The following SGSH variants were observed in gnomAD, a reference collection of about 807,000 sequenced individuals.
The protein encoded by SGSH is heparan sulfate sulfatase.
Under a neutral mutation model 51.0 loss-of-function variants are expected in SGSH, and 48 were observed. The observed-to-expected ratio is 0.94, with a 90% confidence interval of 0.75 to 1.20. The LOEUF is 1.20. Ranked by LOEUF, SGSH falls within the 50% of genes most tolerant of loss-of-function variation. The pLI, the probability that SGSH is intolerant of heterozygous loss-of-function variation, is 0.00. For synonymous variants in SGSH, 321 were observed against 313.4 expected (o/e 1.02, Z -0.26); for missense variants, 662 against 717.8 (o/e 0.92, Z 0.89).
At chr17:80,205,311 C>A, downstream of SGSH, 1 of 1,195,850 alleles carries the variant, frequency 8.4e-7, no homozygotes, top group Non-Finnish European at 1.2e-6. Context: ...CCCTCCCCCA[C>A]CACGCACATT....
Position 80,220,328 on chromosome 17 carries a change from G to GGACTCGGGATCGGGATCCGGCTCC in SGSH, c.-16_-15insGGAGCCGGATCCCGATCCCGAGTC. ...GGGCAGCTCATGGCGGCGGCGGCTC[G>GGACTCGGGATCGGGATCCGGCTCC]GACTCGGGATCGGGATCCGGCTCCG... On this transcript the variant is annotated 5_prime_UTR_variant, in exon 1 of 8. Coordinates refer to ENST00000326317, the MANE Select transcript of SGSH (RefSeq NM_000199.5). 3 of 1,483,216 alleles carry GGACTCGGGATCGGGATCCGGCTCC rather than the reference G, an allele frequency of 2.0e-6. No homozygotes were observed. The highest frequency in any genetic ancestry group is 1.8e-6 in the Non-Finnish European group (2 of 1,122,488). 91.9% of individuals were successfully genotyped at this position (1,483,216 alleles called of 1,614,324 possible). A position where few individuals can be genotyped will look rare whatever the true frequency, so the allele number is the denominator to read the frequency against.
chr17:80,213,266 C>T lies in SGSH; in HGVS notation c.745+538G>A, dbSNP rs530538251. On this transcript the variant is annotated intron_variant, in intron 6 of 7. Coordinates refer to ENST00000326317, the MANE Select transcript of SGSH (RefSeq NM_000199.5). This position sits in a 1 kb window ranked among gnomAD's most constrained non-coding sequence, Gnocchi z 4.6. Reference sequence around the variant, plus strand: ...AAAAAAGGCCATGTGAAGGCTTCAGCGGGGATGGGGGCGATTCTGCCGCCA... The same window carrying T: ...AAAAAAGGCCATGTGAAGGCTTCAGTGGGGATGGGGGCGATTCTGCCGCCA... 16 of 153,970 alleles carry T rather than the reference C, an allele frequency of 1.0e-4. No homozygotes were observed. In the South Asian group the frequency reaches 1.8e-3, roughly 18 times the overall value. The allele number at this position is 153,970 out of a possible 1,614,324, so 9.5% of individuals were successfully genotyped here.
In SGSH at chr17:80,210,830, G is replaced by A. The variant is rs779260016; in HGVS notation, c.1131C>T (p.Arg377=). 2 of 1,614,040 alleles carry A rather than the reference G, an allele frequency of 1.2e-6. No individual in the cohort carries two copies. The highest frequency in any genetic ancestry group is 3.3e-5 in the Admixed American group (2 of 60,034). The change falls in exon 8 of 8, where the codon CGC becomes CGT. Residue 377 remains arginine, a synonymous_variant. Transcript: ENST00000326317. ...HHEVTMSYPM[R]SVQHRHFRLV... is the part of the protein sequence containing the mutation. ...GGCGGAAGTGCCGGTGCTGCACGGA[G>A]CGCATGGGGTAGGACATGGTGACCT...
Position 80,209,859 on chromosome 17 carries a change from T to C in SGSH, c.*593A>G. The C allele has an allele frequency of 1.0e-6, 1 of 989,466 alleles. No individual in the cohort carries two copies. Among genetic ancestry groups the C allele is most frequent in the Non-Finnish European group, 1.2e-6 (1 of 832,340 alleles). 61.3% of individuals were successfully genotyped at this position (989,466 alleles called of 1,614,324 possible). A position where few individuals can be genotyped will look rare whatever the true frequency, so the allele number is the denominator to read the frequency against. ...TGAAACCTGCCTGGGGAACAGGGAC[T>C]TGACCATGGGGCAAAACAGAAGAAG... On this transcript the variant is annotated 3_prime_UTR_variant, in exon 8 of 8. Transcript: ENST00000326317.
At chr17:80,205,378 G>A (rs895821216), downstream of SGSH, 83 of 1,182,666 alleles carry the variant, frequency 7.0e-5, no homozygotes, top group South Asian at 1.2e-4. Context: ...GGCACAGAGC[G>A]GGGTGTGCAG....
chr17:80,210,819 T>C lies in SGSH; in HGVS notation c.1142A>G (p.His381Arg), dbSNP rs968103068. 1 of 1,613,826 alleles carries C rather than the reference T, an allele frequency of 6.2e-7. No homozygotes were observed. Among genetic ancestry groups the C allele is most frequent in the African/African-American group, 1.3e-5 (1 of 74,912 alleles). Residue 381 changes from histidine to arginine, a missense_variant, in exon 8 of 8, where the codon CAC becomes CGC. Transcript: ENST00000326317. ...TMSYPMRSVQ[H>R]RHFRLVHNLN... ...GTTGTGCACGAGGCGGAAGTGCCGGTGCTGCACGGAGCGCATGGGGTAGGA... is the reference window on the plus strand; with the variant it reads ...GTTGTGCACGAGGCGGAAGTGCCGGCGCTGCACGGAGCGCATGGGGTAGGA...
chr17:80,208,588 G>T (rs1321688691), downstream of SGSH: 1 of 448,906 alleles, frequency 2.2e-6, no homozygotes, highest in Non-Finnish European at 3.9e-6. Flanking sequence ...GGCATGGTCT[G>T]AACTGGAAAC....
chr17:80,207,090 G>A, downstream of SGSH: 1 of 1,606,558 alleles, frequency 6.2e-7, no homozygotes, highest in Non-Finnish European at 8.5e-7. Context: ...GCTCAAGTAG[G>A]TGCACGCTGG....
chr17:80,216,890 C>A, intron 2 of SGSH, 142 bp downstream of exon 2: 1 of 800,086 alleles, frequency 1.2e-6, no homozygotes, highest in South Asian at 1.7e-5. Context: ...CAGCCATAGG[C>A]TGTGCCTCCT....
downstream of SGSH, chr17:80,201,736 G>A (rs544120287): frequency 1.1e-4 from 185 of 1,613,934 alleles, 2 homozygotes; most frequent in South Asian, 1.9e-3. This position sits in a 1 kb window ranked among gnomAD's most constrained non-coding sequence, Gnocchi z 5.0. Context: ...TTCTCGACTT[G>A]CCCTCAGGTT....
chr17:80,211,340 C>T (rs2041657853), intron 7 of SGSH: 3 of 451,142 alleles, frequency 6.6e-6, no homozygotes, highest in Non-Finnish European at 1.2e-5. Flanking sequence ...TCATTTGGGG[C>T]CAGAGAGAGA....
In SGSH at chr17:80,217,188, A is replaced by G. The variant is rs982161788; in HGVS notation, c.93T>C (p.Asp31=). Residue 31 remains aspartate, a synonymous_variant, in exon 2 of 8, where the codon GAT becomes GAC. Transcript: ENST00000326317. The part of the protein sequence containing the change: ...RPRNALLLLA[D]DGGFESGAYN... The stretch of plus-strand genomic sequence containing the variant: ...ACGCGCCACTCTCAAAGCCTCCGTC[A>G]TCCGCTGCGTGAGGTGGGAGACAGA... 110 of 1,598,970 alleles carry G rather than the reference A, an allele frequency of 6.9e-5. No individual in the cohort carries two copies. The highest frequency in any genetic ancestry group is 9.3e-5 in the Non-Finnish European group (109 of 1,176,942).
chr17:80,210,434 A>G lies in SGSH; in HGVS notation c.*18T>C. 1.3e-6 allele frequency: 2 copies of G among 1,580,808 alleles called. No homozygotes were observed. The highest frequency in any genetic ancestry group is 1.7e-6 in the Non-Finnish European group (2 of 1,169,016). ...TCTGGGACATGCCTGGGATGTGTGC[A>G]CAGGCCTCCTGGGATGGTCACAGCT... On this transcript the variant is annotated 3_prime_UTR_variant, in exon 8 of 8. Coordinates refer to ENST00000326317, the MANE Select transcript of SGSH (RefSeq NM_000199.5).
chr17:80,211,159 C>T (rs1444789186), intron 7 of SGSH, 148 bp from the exon 8 acceptor site: 18 of 1,517,222 alleles, frequency 1.2e-5, no homozygotes, highest in African/African-American at 6.9e-5. Context: ...CACCTCTCAC[C>T]GCCACGTCAT....
At position 80,212,628 on chromosome 17, in the gene SGSH, G is replaced by T; in HGVS notation, c.746-354C>A. ...AATAGGGCAGGGGCCAGAGGACGAGGCTTCCTCTATACTCGCTCCTTCCCA... is the reference window on the plus strand; with the variant it reads ...AATAGGGCAGGGGCCAGAGGACGAGTCTTCCTCTATACTCGCTCCTTCCCA... On this transcript the variant is annotated intron_variant, in intron 6 of 7. Coordinates refer to ENST00000326317, the MANE Select transcript of SGSH (RefSeq NM_000199.5). The surrounding 1 kb of genome is among the most constrained non-coding windows in gnomAD (Gnocchi z 5.9). The T allele has an allele frequency of 2.6e-6, 1 of 388,678 alleles. No homozygotes were observed. Among genetic ancestry groups the T allele is most frequent in the Non-Finnish European group, 4.9e-6 (1 of 202,724 alleles). 24.1% of individuals were successfully genotyped at this position (388,678 alleles called of 1,614,324 possible). A position where few individuals can be genotyped will look rare whatever the true frequency, so the allele number is the denominator to read the frequency against.
In SGSH at chr17:80,209,386, G is replaced by A. The variant is rs1278329712; in HGVS notation, c.*1066C>T. 1.0e-6 allele frequency: 1 copy of A among 985,340 alleles called. No individual in the cohort carries two copies. The highest frequency in any genetic ancestry group is 1.2e-6 in the Non-Finnish European group (1 of 829,986). The allele number at this position is 985,340 out of a possible 1,614,324, so 61.0% of individuals were successfully genotyped here. A position where few individuals can be genotyped will look rare whatever the true frequency, so the allele number is the denominator to read the frequency against. On this transcript the variant is annotated 3_prime_UTR_variant, in exon 8 of 8. Transcript: ENST00000326317. ...CAGTATGGAGTGATAGGGAGGGAAG[G>A]GCAAGGGGAGCCCACCTACTCAAGG...
downstream of SGSH, chr17:80,208,411 A>C: frequency 7.2e-7 from 1 of 1,397,720 alleles, no homozygotes; most frequent in Non-Finnish European, 9.7e-7. Flanking sequence ...CCTGTTCCTC[A>C]GCCCAGGCCC....
In SGSH at chr17:80,214,261, T is replaced by C. The variant is rs764278674; in HGVS notation, c.574A>G (p.Thr192Ala). The change falls in exon 5 of 8, where the codon ACC becomes GCC. Residue 192 changes from threonine (T) to alanine (A), a missense_variant. Transcript: ENST00000326317. ...CCGTTGCCAAACTTCTCACAGAAGG[T>C]TCCGTACTGGGGCTGGGAGTGCCCA... ...RCGHSQPQYG[T>A]FCEKFGNGES... The C allele has an allele frequency of 3.1e-6, 5 of 1,613,150 alleles. No homozygotes were observed. The African/African-American group carries it at 5.3e-5, about 17-fold the overall frequency.
rs111239087 is a variant in SGSH, at chr17:80,214,777, G to T, written c.356-12C>A. The stretch of plus-strand genomic sequence containing the variant: ...CTTCCCGATGATGCCTGGGCGGGAA[G>T]AGAGGCCTGGCCAGAGTCCCTTCAG... On this transcript the variant is annotated splice_polypyrimidine_tract_variant and intron_variant, in intron 3 of 7. Transcript: ENST00000326317. 14 of 1,609,344 alleles carry T rather than the reference G, an allele frequency of 8.7e-6. No homozygotes were observed. In the African/African-American group the frequency reaches 1.2e-4, roughly 14 times the overall value.
Sources: gnomAD v4.1 joint callset for allele counts on GRCh38, gnomAD v4.1.1 for gene constraint, Gnocchi (gnomAD v3.1) non-coding constraint, MANE v1.5 for transcripts, NCBI Gene and HGNC (gene_info 2026-07-23, HGNC 2026-07-21) for gene names.